MAGI2: variants seen among roughly 807,000 people sequenced by gnomAD.
The protein encoded by MAGI2 is membrane-associated guanylate kinase, WW and PDZ domain-containing protein 2.
MAGI2 carries 35 observed loss-of-function variants against 133.3 expected under a neutral mutation model. That is an observed-to-expected ratio of 0.26 (90% confidence interval 0.20 to 0.35). MAGI2 has a LOEUF of 0.35. MAGI2 is among the 10% of genes least tolerant of loss of function. MAGI2 has a pLI of 1.00. For synonymous variants in MAGI2, 729 were observed against 710.6 expected (o/e 1.03, Z -0.41); for missense variants, 1,636 against 1,863.4 (o/e 0.88, Z 2.25).
intron 1 of MAGI2, among the ~76,000 whole-genome samples, chr7:79,147,311 C>G (rs1307493508): frequency 6.6e-6 from 1 of 152,194 alleles, no homozygotes; most frequent in Non-Finnish European, 1.5e-5. Flanking sequence ...ATGAAGTAAT[C>G]ATCATGGAGT....
At chr7:79,248,914 A>G (rs974020576) in intron 1 of MAGI2, among the ~76,000 whole-genome samples, 6 of 151,964 alleles carry the variant, frequency 3.9e-5, no homozygotes, top group Non-Finnish European at 8.8e-5. Context: ...CCCAGGCTGG[A>G]GTGCAATGGC....
chr7:78,686,931 G>A (rs1378722027), intron 2 of MAGI2, among the ~76,000 whole-genome samples: 1 of 152,186 alleles, frequency 6.6e-6, no homozygotes, highest in African/African-American at 2.4e-5. Context: ...TCAAGCAGGG[G>A]TGAATGAGCT....
intron 1 of MAGI2, among the ~76,000 whole-genome samples, chr7:79,055,419 C>T (rs1183324978): frequency 6.6e-6 from 1 of 152,002 alleles, no homozygotes; most frequent in African/African-American, 2.4e-5. Context: ...CAATTCTAAC[C>T]AATGATGCCC....
At chr7:78,458,854 T>C (rs1268849727) in intron 6 of MAGI2, among the ~76,000 whole-genome samples, 3 of 152,218 alleles carry the variant, frequency 2.0e-5, no homozygotes, top group Non-Finnish European at 4.4e-5. Context: ...CAGGATGGTC[T>C]AGATCTCCTG....
intron 2 of MAGI2, among the ~76,000 whole-genome samples, chr7:78,933,865 A>T (rs1459884221): frequency 3.3e-5 from 5 of 152,150 alleles, no homozygotes; most frequent in African/African-American, 1.2e-4. Context: ...CATTTTAAAA[A>T]GCCATCTAGT....
At chr7:78,161,658 A>G (rs1012110536) in intron 15 of MAGI2, among the ~76,000 whole-genome samples, 1 of 140,008 alleles carries the variant, frequency 7.1e-6, no homozygotes, top group Admixed American at 7.3e-5. Context: ...GTTTTGTTAC[A>G]TCGATACCTA....
chr7:78,215,543 GTGA>G (rs1332176106), intron 10 of MAGI2, among the ~76,000 whole-genome samples: 1 of 152,170 alleles, frequency 6.6e-6, no homozygotes. Context: ...TGCACTTAGA[GTGA>G]TGATTTTTTG....
intron 20 of MAGI2, among the ~76,000 whole-genome samples, chr7:78,095,038 C>A (rs1017170064): frequency 3.3e-5 from 5 of 152,116 alleles, no homozygotes; most frequent in Non-Finnish European, 7.4e-5. Context: ...TCAAGAGTTG[C>A]TGGTGGCAAG....
rs776118272 is a variant in MAGI2, at chr7:78,256,087, G to C, written c.1903C>G (p.Gln635Glu). 5 of 1,613,712 alleles carry C rather than the reference G, an allele frequency of 3.1e-6. No homozygotes were observed. The highest frequency in any genetic ancestry group is 4.2e-6 in the Non-Finnish European group (5 of 1,179,868). Reference sequence around the variant, plus strand: ...CCTTCACACAGGCCAGGGCATCCCTGAATGTCAAGTATTTGTTTCACCCGC... The same window carrying C: ...CCTTCACACAGGCCAGGGCATCCCTCAATGTCAAGTATTTGTTTCACCCGC... ...GQRVKQILDIQGCPGLCEGDL... is the reference protein window; with the variant it reads ...GQRVKQILDIEGCPGLCEGDL... Residue 635 changes from glutamine to glutamate, a missense_variant, in exon 10 of 22, where the codon CAG becomes GAG. Physicochemically the swap from Gln to Glu is conservative, Grantham distance 29. Around this residue, in one of 5 missense-constraint regions of MAGI2, gnomAD observed 920 missense variants for 1,093.5 expected, o/e 0.84. Coordinates refer to ENST00000354212, the MANE Select transcript of MAGI2 (RefSeq NM_012301.4).
intron 9 of MAGI2, among the ~76,000 whole-genome samples, chr7:78,303,075 C>T (rs1419421329): frequency 6.6e-6 from 1 of 152,050 alleles, no homozygotes; most frequent in African/African-American, 2.4e-5. Flanking sequence ...TAGGGCTTGG[C>T]CTTGCTAAAG....
intron 3 of MAGI2, among the ~76,000 whole-genome samples, chr7:78,585,183 T>C (rs569601313): frequency 3.3e-5 from 5 of 152,262 alleles, no homozygotes; most frequent in East Asian, 1.9e-4. Context: ...TTCAAATCTA[T>C]TGTGTGTCAG....
intron 2 of MAGI2, among the ~76,000 whole-genome samples, chr7:78,817,577 C>A (rs1789699564): frequency 6.6e-6 from 1 of 152,152 alleles, no homozygotes; most frequent in African/African-American, 2.4e-5. Context: ...AGGCAAGAAC[C>A]CCCATTGGCA....
intron 1 of MAGI2, among the ~76,000 whole-genome samples, chr7:79,284,857 G>A (rs556138960): frequency 6.6e-6 from 1 of 152,044 alleles, no homozygotes; most frequent in East Asian, 1.9e-4. Flanking sequence ...TTTGTGCACA[G>A]CAGAGAAAAT....
intron 2 of MAGI2, among the ~76,000 whole-genome samples, chr7:79,000,819 C>T (rs1434598348): frequency 6.6e-6 from 1 of 152,186 alleles, no homozygotes; most frequent in Non-Finnish European, 1.5e-5. Context: ...TGTAGAAACA[C>T]TATTGTGAGT....
intron 13 of MAGI2, 83 bp downstream of exon 13, chr7:78,185,546 A>G: frequency 9.0e-7 from 1 of 1,108,718 alleles, no homozygotes; most frequent in African/African-American, 1.6e-5. Context: ...ATACTAGGAA[A>G]CTGATACTAT....
intron 1 of MAGI2, among the ~76,000 whole-genome samples, chr7:79,305,728 T>A (rs560264639): frequency 6.6e-6 from 1 of 152,220 alleles, no homozygotes; most frequent in South Asian, 2.1e-4. Context: ...GACAAAACAG[T>A]GAGACCCTGT....
chr7:78,560,333 C>T (rs1800276341), intron 3 of MAGI2, among the ~76,000 whole-genome samples: 1 of 151,990 alleles, frequency 6.6e-6, no homozygotes. Flanking sequence ...GACTGAAGTT[C>T]AAAAGAGAGG....
chr7:79,099,526 A>T (rs1817787615), intron 1 of MAGI2, among the ~76,000 whole-genome samples: 1 of 152,096 alleles, frequency 6.6e-6, no homozygotes, highest in Non-Finnish European at 1.5e-5. Flanking sequence ...TCTGTTATAT[A>T]GGTAAATTGC....
At chr7:78,210,884 A>G (rs958880453) in intron 10 of MAGI2, among the ~76,000 whole-genome samples, 10 of 152,216 alleles carry the variant, frequency 6.6e-5, no homozygotes, top group African/African-American at 2.4e-4. Flanking sequence ...TGCCAAGACA[A>G]AGGCAGAAAT....
Sources: allele counts gnomAD v4.1 joint callset (sites outside exome capture counted in the v4.1 genomes callset), GRCh38; gene constraint gnomAD v4.1.1; regional missense constraint gnomAD v4.1.1; transcripts MANE v1.5; gene names NCBI Gene and HGNC (gene_info 2026-07-23, HGNC 2026-07-21).